ADAMTS12: variants seen among roughly 807,000 people sequenced by gnomAD.
The protein encoded by ADAMTS12 is ADAM metallopeptidase with thrombospondin type 1 motif 12.
Under a neutral mutation model 167.8 loss-of-function variants are expected in ADAMTS12, and 118 were observed. The ratio of observed to expected loss-of-function variants is 0.70; its 90% CI spans 0.61 to 0.82. The LOEUF is 0.82. Ranked by LOEUF, ADAMTS12 falls within the 40% of genes least tolerant of loss-of-function variation. ADAMTS12 has a pLI of 0.00. For synonymous variants in ADAMTS12, 704 were observed against 716.9 expected (o/e 0.98, Z 0.29); for missense variants, 1,916 against 1,998.8 (o/e 0.96, Z 0.79).
intron 2 of ADAMTS12, among the ~76,000 whole-genome samples, chr5:33,861,339 G>A (rs3096134): frequency 0.38 from 57,555 of 151,886 alleles, 11,339 homozygotes; most frequent in African/African-American, 0.48. Flanking sequence ...AGGAATATTT[G>A]CCAAGCAAAA....
rs1740775838 is a variant in ADAMTS12 at position 33,648,870 on chromosome 5, C to T, written c.1431G>A (p.Gln477=). The change falls in exon 9 of 24, where the codon CAG becomes CAA. Residue 477 remains glutamine, a synonymous_variant. Coordinates refer to ENST00000504830, the MANE Select transcript of ADAMTS12 (RefSeq NM_030955.4). ...APGVIYDVHH[Q]CQLQYGPNAT... ...CATTGGGTCCATATTGTAGCTGGCA[C>T]TGGTGGTGAACATCATAGATCACTC... 3.7e-6 allele frequency: 6 copies of T among 1,614,062 alleles called. No individual in the cohort carries two copies. Among genetic ancestry groups the T allele is most frequent in the Non-Finnish European group, 5.1e-6 (6 of 1,179,982 alleles).
At chr5:33,570,418 C>G (rs1746264306) in intron 19 of ADAMTS12, among the ~76,000 whole-genome samples, 1 of 152,130 alleles carries the variant, frequency 6.6e-6, no homozygotes, top group African/African-American at 2.4e-5. Context: ...CTCTACAAGC[C>G]AGAAGAGAGT....
At chr5:33,785,823 TAA>T in intron 2 of ADAMTS12, among the ~76,000 whole-genome samples, 1 of 152,276 alleles carries the variant, frequency 6.6e-6, no homozygotes, top group South Asian at 2.1e-4. Flanking sequence ...AATATTTACT[TAA>T]GAGAAATGAA....
intron 23 of ADAMTS12, among the ~76,000 whole-genome samples, chr5:33,530,997 C>T (rs933589725): frequency 1.3e-5 from 2 of 152,082 alleles, no homozygotes; most frequent in Non-Finnish European, 2.9e-5. Context: ...TAGGGTGGGC[C>T]CTTCATCCAA....
At chr5:33,579,556 T>C (rs1330732389) in intron 18 of ADAMTS12, among the ~76,000 whole-genome samples, 2 of 152,370 alleles carry the variant, frequency 1.3e-5, no homozygotes, top group African/African-American at 4.8e-5. Context: ...CAAAAAAATT[T>C]TAAATGCCAA....
intron 2 of ADAMTS12, among the ~76,000 whole-genome samples, chr5:33,851,781 T>C (rs1242873421): frequency 6.6e-6 from 1 of 152,250 alleles, no homozygotes; most frequent in East Asian, 1.9e-4. Flanking sequence ...TAAGCCTAGC[T>C]GATTTCATTC....
intron 2 of ADAMTS12, among the ~76,000 whole-genome samples, chr5:33,809,618 C>A (rs1190262893): frequency 6.6e-6 from 1 of 152,136 alleles, no homozygotes; most frequent in African/African-American, 2.4e-5. Flanking sequence ...CTACTCCCTG[C>A]AATATGGCCT....
At chr5:33,774,425 T>A (rs113338030) in intron 2 of ADAMTS12, among the ~76,000 whole-genome samples, 4 of 152,232 alleles carry the variant, frequency 2.6e-5, no homozygotes, top group African/African-American at 9.6e-5. Context: ...GTACATGGTG[T>A]TATGAAAAAA....
intron 15 of ADAMTS12, 132 bp from the exon 16 acceptor site, chr5:33,614,508 T>A: frequency 9.4e-7 from 1 of 1,064,558 alleles, no homozygotes; most frequent in Non-Finnish European, 1.4e-6. Flanking sequence ...AGCCATTAAA[T>A]AGATCTATAC....
chr5:33,829,669 C>T (rs1054680478), intron 2 of ADAMTS12, among the ~76,000 whole-genome samples: 2 of 152,156 alleles, frequency 1.3e-5, no homozygotes, highest in African/African-American at 4.8e-5. Context: ...CATGTTGTTC[C>T]ATGGGCCTCT....
Position 33,641,948 on chromosome 5 carries a change from A to C in ADAMTS12, c.1580T>G (p.Met527Arg). Residue 527 changes from methionine (M) to arginine (R), a missense_variant, in exon 11 of 24, where the codon ATG (methionine) becomes AGG (arginine). Coordinates refer to ENST00000504830, the MANE Select transcript of ADAMTS12 (RefSeq NM_030955.4). ...CCCCACTGTGATGCACTTGCCTGCC[A>C]TACACCACTGGAAAGGGAAGAGGCA... ...GTQCGEKKWC[M>R]AGKCITVGKK... is the part of the protein sequence containing the mutation. 6.2e-7 allele frequency: 1 copy of C among 1,612,012 alleles called. No individual in the cohort carries two copies. Among genetic ancestry groups the C allele is most frequent in the Non-Finnish European group, 8.5e-7 (1 of 1,178,632 alleles).
At chr5:33,648,213 G>A (rs889591201) in intron 9 of ADAMTS12, among the ~76,000 whole-genome samples, 10 of 152,126 alleles carry the variant, frequency 6.6e-5, no homozygotes, top group African/African-American at 1.9e-4. Context: ...AGTAGACCAC[G>A]GTTACATTGT....
chr5:33,544,473 G>T (rs1394984334), intron 22 of ADAMTS12, among the ~76,000 whole-genome samples: 1 of 152,062 alleles, frequency 6.6e-6, no homozygotes, highest in Non-Finnish European at 1.5e-5. Flanking sequence ...TCCCCATCAA[G>T]CTACCAATGA....
intron 2 of ADAMTS12, among the ~76,000 whole-genome samples, chr5:33,761,311 G>A (rs1745347934): frequency 6.6e-6 from 1 of 152,214 alleles, no homozygotes; most frequent in Non-Finnish European, 1.5e-5. Flanking sequence ...CTGGAAGGAG[G>A]GGCAGCCAGG....
intron 5 of ADAMTS12, among the ~76,000 whole-genome samples, chr5:33,668,793 T>A (rs1299615602): frequency 6.6e-6 from 1 of 152,188 alleles, no homozygotes; most frequent in Non-Finnish European, 1.5e-5. Context: ...CTCTGGAGGA[T>A]TCTAATCAGA....
chr5:33,591,502 G>A (rs894061911), intron 17 of ADAMTS12, among the ~76,000 whole-genome samples: 80 of 151,948 alleles, frequency 5.3e-4, no homozygotes, highest in Non-Finnish European at 3.1e-4. Flanking sequence ...TCCAAAATCC[G>A]ATTCAACTAA....
rs547887379 is a variant in ADAMTS12 at position 33,596,108 on chromosome 5, A to G, written c.2528-48T>C. 7.5e-6 allele frequency: 12 copies of G among 1,607,106 alleles called. No homozygotes were observed. In the Admixed American group the frequency reaches 1.2e-4, roughly 16 times the overall value. On this transcript the variant is annotated intron_variant, in intron 16 of 23. Coordinates refer to ENST00000504830, the MANE Select transcript of ADAMTS12 (RefSeq NM_030955.4). ...CACACATATTGAATCCTGAGCCCAC[A>G]TGCTCATGGTCAGGTGAGGTACCTG...
At chr5:33,810,228 C>T (rs985329232) in intron 2 of ADAMTS12, among the ~76,000 whole-genome samples, 2 of 152,012 alleles carry the variant, frequency 1.3e-5, no homozygotes, top group African/African-American at 4.8e-5. Context: ...GAAAATAGGC[C>T]TGTAAAAATA....
chr5:33,711,415 T>C (rs892271612), intron 3 of ADAMTS12, among the ~76,000 whole-genome samples: 1 of 152,176 alleles, frequency 6.6e-6, no homozygotes, highest in Admixed American at 6.5e-5. Flanking sequence ...ATAAGAAATA[T>C]TTTGGAACCA....
Sources: allele counts gnomAD v4.1 joint callset (sites outside exome capture counted in the v4.1 genomes callset), GRCh38; gene constraint gnomAD v4.1.1; transcripts MANE v1.5; gene names NCBI Gene and HGNC (gene_info 2026-07-23, HGNC 2026-07-21).